The following TMTC2 variants were observed in gnomAD, a reference collection of about 807,000 sequenced individuals.
The protein encoded by TMTC2 is transmembrane O-mannosyltransferase targeting cadherins 2.
A neutral mutation model predicts 82.4 loss-of-function variants in TMTC2; 43 were observed. The observed-to-expected ratio is 0.52, with a 90% CI of 0.41 to 0.67. TMTC2 has a LOEUF of 0.67. Ranked by LOEUF, TMTC2 falls within the 30% of genes least tolerant of loss-of-function variation. The probability of loss-of-function intolerance (pLI) is 0.00; values close to 1 mark genes in which losing one functional copy is unlikely to be tolerated. For synonymous variants in TMTC2, 408 were observed against 381.9 expected, an observed-to-expected ratio of 1.07 and a Z score of -0.80; for missense variants, 919 against 1,012.4, an observed-to-expected ratio of 0.91 and a Z score of 1.25.
chr12:82,985,889 C>T, intron 7 of TMTC2, 36 bp from the exon 8 acceptor site: 1 of 1,600,292 alleles, frequency 6.2e-7, no homozygotes, highest in South Asian at 1.1e-5. Context: ...AAAGCTGTAT[C>T]CTCCCTTTGA....
chr12:83,054,774 G>C (rs1338041204), intron 10 of TMTC2, among the ~76,000 whole-genome samples: 5 of 151,738 alleles, frequency 3.3e-5, no homozygotes, highest in African/African-American at 1.2e-4. Flanking sequence ...AAAGAGCATA[G>C]AGTAGATAAA....
intron 8 of TMTC2, among the ~76,000 whole-genome samples, chr12:83,028,083 GTGA>G (rs1174693176): frequency 3.9e-5 from 6 of 151,904 alleles, no homozygotes; most frequent in African/African-American, 1.5e-4. Context: ...TTGCTTTCTA[GTGA>G]TGATTTTGTC....
At chr12:82,954,797 AG>A (rs1428603656) in intron 4 of TMTC2, among the ~76,000 whole-genome samples, 1 of 152,214 alleles carries the variant, frequency 6.6e-6, no homozygotes, top group Non-Finnish European at 1.5e-5. Context: ...TTCTATCTAG[AG>A]GGCAGTCTTA....
intron 1 of TMTC2, among the ~76,000 whole-genome samples, chr12:82,776,295 C>G (rs1023785557): frequency 6.6e-6 from 1 of 151,992 alleles, no homozygotes; most frequent in Admixed American, 6.6e-5. Flanking sequence ...CTGATGGTTC[C>G]TAGGTGTTAC....
chr12:82,964,642 T>C (rs1048012595), intron 4 of TMTC2, among the ~76,000 whole-genome samples: 7 of 152,200 alleles, frequency 4.6e-5, no homozygotes, highest in African/African-American at 1.4e-4. Context: ...TGTTTCCACA[T>C]ATACATATCT....
chr12:82,804,879 T>C (rs1175923587), intron 1 of TMTC2, among the ~76,000 whole-genome samples: 2 of 152,182 alleles, frequency 1.3e-5, no homozygotes, highest in African/African-American at 4.8e-5. Context: ...GGATTGCTCC[T>C]GTTAGAAATG....
intron 8 of TMTC2, among the ~76,000 whole-genome samples, chr12:83,019,775 T>C (rs953023814): frequency 6.6e-6 from 1 of 152,136 alleles, no homozygotes; most frequent in Non-Finnish European, 1.5e-5. Flanking sequence ...CTTCCTTTCG[T>C]TGCCACTTCT....
At position 82,819,501 on chromosome 12, in the gene TMTC2, T is replaced by C. The variant is rs902504775; in HGVS notation, c.84-37509T>C. 6.7e-4 allele frequency among the ~76,000 whole-genome samples: 79 copies of C among 117,352 alleles called. 1 individual carries two copies. Among genetic ancestry groups the C allele is most frequent in the Admixed American group, 1.5e-3 (18 of 12,184 alleles). 77.0% of individuals were successfully genotyped at this position (117,352 alleles called of 152,430 possible). A position where few individuals can be genotyped will look rare whatever the true frequency, so the allele number is the denominator to read the frequency against. On this transcript the variant is annotated intron_variant, in intron 1 of 11. Coordinates refer to ENST00000321196, the MANE Select transcript of TMTC2 (RefSeq NM_152588.3). ...GTACTTTTTCTTTCTCTCTTTCTTT[T>C]TTTTTTTTTTTTTTTTTGAGACGGA...
intron 1 of TMTC2, among the ~76,000 whole-genome samples, chr12:82,791,586 T>C (rs1300166226): frequency 1.3e-5 from 2 of 152,140 alleles, no homozygotes; most frequent in Admixed American, 6.5e-5. Flanking sequence ...TTTCCATATA[T>C]AGTGTTATAT....
Position 82,989,562 on chromosome 12 carries a change from A to AC in TMTC2, c.2070+3524dup, listed in dbSNP as rs34122946. ...GATGTCTAATTCATTGCCCACCTGCACCCCCCCCAAAAAAAAGTTAGAAAA... is the reference window on the plus strand; with the variant it reads ...GATGTCTAATTCATTGCCCACCTGCACCCCCCCCCAAAAAAAAGTTAGAAAA... On this transcript the variant is annotated intron_variant, in intron 8 of 11. Coordinates refer to ENST00000321196, the MANE Select transcript of TMTC2 (RefSeq NM_152588.3). Among the ~76,000 whole-genome samples the AC allele has an allele frequency of 2.4e-3, 362 of 149,346 alleles. 1 individual carries two copies. Among genetic ancestry groups the AC allele is most frequent in the Admixed American group, 3.6e-3 (54 of 14,866 alleles).
chr12:82,697,239 G>T (rs1221201955), intron 1 of TMTC2, among the ~76,000 whole-genome samples: 1 of 150,668 alleles, frequency 6.6e-6, no homozygotes, highest in East Asian at 2.0e-4. Context: ...AGCTACTCAG[G>T]AGGCTGAGGC....
At chr12:83,038,078 A>G (rs949508392) in intron 9 of TMTC2, among the ~76,000 whole-genome samples, 2 of 143,864 alleles carry the variant, frequency 1.4e-5, no homozygotes, top group Non-Finnish European at 3.0e-5. Flanking sequence ...ATAGGTAGGA[A>G]TTGAACAATG....
chr12:82,867,817 T>C (rs1410098195), intron 2 of TMTC2, among the ~76,000 whole-genome samples: 1 of 152,180 alleles, frequency 6.6e-6, no homozygotes, highest in Non-Finnish European at 1.5e-5. Flanking sequence ...CTTCTTAAGC[T>C]CTCATGACAT....
intron 1 of TMTC2, among the ~76,000 whole-genome samples, chr12:82,825,878 ACT>A (rs1301567456): frequency 4.6e-5 from 7 of 151,700 alleles, no homozygotes; most frequent in African/African-American, 7.3e-5. Context: ...ACACACACAC[ACT>A]CTCACACAGT....
chr12:82,725,466 C>T lies in TMTC2; in HGVS notation c.83+37797C>T, dbSNP rs1047794931. On this transcript the variant is annotated intron_variant, in intron 1 of 11. Transcript: ENST00000321196. The stretch of plus-strand genomic sequence containing the variant: ...GGATAGTCTACAAGATTCTTATTTC[C>T]ATTAATACTTTGATATCATAAAAAG... 3.9e-5 allele frequency among the ~76,000 whole-genome samples: 6 copies of T among 152,126 alleles called. No individual in the cohort carries two copies. In the South Asian group the frequency reaches 6.2e-4, roughly 16 times the overall value.
intron 7 of TMTC2, among the ~76,000 whole-genome samples, chr12:82,981,067 C>T (rs936273014): frequency 6.6e-6 from 1 of 151,772 alleles, no homozygotes; most frequent in Non-Finnish European, 1.5e-5. Context: ...ATGCATTGTT[C>T]GTGTTGGTTA....
At position 82,719,078 on chromosome 12, in the gene TMTC2, TA is replaced by T. The variant is rs1874051269; in HGVS notation, c.83+31410del. ...ATGATTTTATATATATATATATATATATATATATTTTTTTTTTTTTTTTTTT... is the reference window on the plus strand; with the variant it reads ...ATGATTTTATATATATATATATATATTATATATTTTTTTTTTTTTTTTTTT... On this transcript the variant is annotated intron_variant, in intron 1 of 11. Transcript: ENST00000321196. Among the ~76,000 whole-genome samples the T allele has an allele frequency of 2.8e-3, 198 of 71,712 alleles. 1 individual carries two copies. The highest frequency in any genetic ancestry group is 3.9e-3 in the Non-Finnish European group (148 of 37,998). The allele number at this position is 71,712 out of a possible 152,430, so 47.0% of individuals were successfully genotyped here. A position where few individuals can be genotyped will look rare whatever the true frequency, so the allele number is the denominator to read the frequency against.
At chr12:82,748,048 C>T (rs181875342) in intron 1 of TMTC2, among the ~76,000 whole-genome samples, 2 of 152,322 alleles carry the variant, frequency 1.3e-5, no homozygotes, top group East Asian at 1.9e-4. Context: ...CGGTGGCTCA[C>T]GCCTGTGATC....
At chr12:82,806,568 C>A (rs1879251631) in intron 1 of TMTC2, among the ~76,000 whole-genome samples, 3 of 152,022 alleles carry the variant, frequency 2.0e-5, no homozygotes, top group Non-Finnish European at 4.4e-5. Context: ...ATTTTTGACT[C>A]CCCAAAAACT....
Sources: gnomAD v4.1 joint callset for allele counts (sites outside exome capture counted in the v4.1 genomes callset) on GRCh38, gnomAD v4.1.1 for gene constraint, MANE v1.5 for transcripts, NCBI Gene and HGNC (gene_info 2026-07-23, HGNC 2026-07-21) for gene names.